The following ATXN7L1 variants were observed in gnomAD, a reference collection of about 807,000 sequenced individuals.
The protein encoded by ATXN7L1 is ataxin 7 like 1, also known as ataxin-7-like protein 1.
In ATXN7L1, 15 loss-of-function variants were observed where a neutral mutation model predicts 70.8. That is an observed-to-expected ratio of 0.21 (90% CI 0.14 to 0.33). The LOEUF (loss-of-function observed/expected upper bound fraction) is 0.33, where lower values mean the gene tolerates loss of function less well. ATXN7L1 is among the 10% of genes least tolerant of loss of function. The pLI is 1.00. For synonymous variants in ATXN7L1, 440 were observed against 445.1 expected, an observed-to-expected ratio of 0.99 and a Z score of 0.14; for missense variants, 975 against 1,097.1, an observed-to-expected ratio of 0.89 and a Z score of 1.57.
intron 2 of ATXN7L1, among the ~76,000 whole-genome samples, chr7:105,825,117 C>T (rs996210890): frequency 3.9e-5 from 6 of 152,052 alleles, no homozygotes; most frequent in Non-Finnish European, 8.8e-5. Context: ...TTTAAAATCC[C>T]GAGAGAAAAT....
At chr7:105,675,848 G>C (rs1489066818) in intron 3 of ATXN7L1, among the ~76,000 whole-genome samples, 1 of 151,200 alleles carries the variant, frequency 6.6e-6, no homozygotes, top group African/African-American at 2.4e-5. Flanking sequence ...CAAAAATATG[G>C]GTTAAAATGA....
At chr7:105,856,361 C>T (rs900633241) in intron 2 of ATXN7L1, among the ~76,000 whole-genome samples, 5 of 151,882 alleles carry the variant, frequency 3.3e-5, no homozygotes, top group African/African-American at 9.7e-5. Flanking sequence ...TGAGGCGGGT[C>T]GATCACCTGA....
At chr7:105,658,295 T>C (rs560819156) in intron 4 of ATXN7L1, among the ~76,000 whole-genome samples, 1 of 152,138 alleles carries the variant, frequency 6.6e-6, no homozygotes, top group East Asian at 1.9e-4. Context: ...GATTCTGTCC[T>C]GTCAAGTATA....
chr7:105,767,286 C>T (rs115121614), intron 3 of ATXN7L1, among the ~76,000 whole-genome samples: 129 of 152,204 alleles, frequency 8.5e-4, no homozygotes, highest in African/African-American at 3.0e-3. Flanking sequence ...GGAGGCCCAC[C>T]GGGAGTTTCA....
chr7:105,731,434 CTT>C (rs34234302), intron 3 of ATXN7L1, among the ~76,000 whole-genome samples: 32 of 134,246 alleles, frequency 2.4e-4, no homozygotes, highest in East Asian at 1.1e-3. Flanking sequence ...CTTCTTACTC[CTT>C]TTTTTTTTTT....
At chr7:105,793,327 G>C (rs1323756897) in intron 2 of ATXN7L1, among the ~76,000 whole-genome samples, 2 of 152,208 alleles carry the variant, frequency 1.3e-5, no homozygotes, top group East Asian at 3.8e-4. Context: ...GCTTCATGGG[G>C]TTGCTGTGAT....
At chr7:105,739,610 T>G (rs1324547422) in intron 3 of ATXN7L1, among the ~76,000 whole-genome samples, 1 of 152,236 alleles carries the variant, frequency 6.6e-6, no homozygotes, top group African/African-American at 2.4e-5. Flanking sequence ...CTGTCACTAA[T>G]GAGCTATGTG....
At chr7:105,776,459 T>C (rs1272021695) in intron 3 of ATXN7L1, among the ~76,000 whole-genome samples, 1 of 150,802 alleles carries the variant, frequency 6.6e-6, no homozygotes, top group Admixed American at 6.6e-5. Context: ...CTTCCAAGAT[T>C]CTTTTTTTTT....
chr7:105,832,403 T>A (rs1217032222), intron 2 of ATXN7L1, among the ~76,000 whole-genome samples: 1 of 152,184 alleles, frequency 6.6e-6, no homozygotes. Context: ...CTATTTCTAG[T>A]CTTTATTAAT....
intron 4 of ATXN7L1, among the ~76,000 whole-genome samples, chr7:105,652,935 GC>G (rs1236225980): frequency 1.3e-5 from 2 of 152,116 alleles, no homozygotes; most frequent in Non-Finnish European, 2.9e-5. Flanking sequence ...CACTCACTCT[GC>G]TTTTTCCTTT....
chr7:105,782,390 G>C (rs961499543), intron 3 of ATXN7L1, among the ~76,000 whole-genome samples: 1 of 152,178 alleles, frequency 6.6e-6, no homozygotes, highest in African/African-American at 2.4e-5. Context: ...TAGATCTCGT[G>C]GGGAGAAGTT....
At chr7:105,818,350 T>C (rs1809512487) in intron 2 of ATXN7L1, among the ~76,000 whole-genome samples, 2 of 152,118 alleles carry the variant, frequency 1.3e-5, no homozygotes, top group African/African-American at 2.4e-5. Flanking sequence ...TTTGTATTTT[T>C]TGTAGGGATG....
intron 7 of ATXN7L1, among the ~76,000 whole-genome samples, chr7:105,629,334 T>C (rs761241290): frequency 5.3e-5 from 8 of 152,056 alleles, no homozygotes; most frequent in Admixed American, 1.3e-4. Flanking sequence ...CTTTTTTAGA[T>C]TCCACCTGTA....
chr7:105,640,162 A>G (rs762918512), intron 5 of ATXN7L1, among the ~76,000 whole-genome samples: 3 of 152,154 alleles, frequency 2.0e-5, no homozygotes, highest in Non-Finnish European at 4.4e-5. Flanking sequence ...GCTGACCACA[A>G]ACACCATTTA....
In ATXN7L1 at chr7:105,663,323, C is replaced by T. The variant is rs111784917; in HGVS notation, c.578+1743G>A. The stretch of plus-strand genomic sequence containing the variant: ...CCAGCTGTGTGGCAGGTAACTCCTC[C>T]ACAGCCATGCCTACACCTTTCCACT... On this transcript the variant is annotated intron_variant, in intron 4 of 11. Coordinates refer to ENST00000419735, the MANE Select transcript of ATXN7L1 (RefSeq NM_020725.2). 8.3e-3 allele frequency among the ~76,000 whole-genome samples: 1,267 copies of T among 152,290 alleles called. 18 individuals carry two copies. The highest frequency in any genetic ancestry group is 0.029 in the African/African-American group (1,214 of 41,552).
At chr7:105,681,537 G>A (rs951935635) in intron 3 of ATXN7L1, among the ~76,000 whole-genome samples, 1 of 152,110 alleles carries the variant, frequency 6.6e-6, no homozygotes, top group African/African-American at 2.4e-5. Flanking sequence ...ATGATCACAC[G>A]ATCTAGCAAT....
chr7:105,741,245 G>T (rs932119776), intron 3 of ATXN7L1, among the ~76,000 whole-genome samples: 1 of 152,136 alleles, frequency 6.6e-6, no homozygotes, highest in African/African-American at 2.4e-5. Context: ...GGAGGGTCTT[G>T]TGTATCAGGC....
chr7:105,729,004 C>T (rs1796218653), intron 3 of ATXN7L1, among the ~76,000 whole-genome samples: 1 of 152,114 alleles, frequency 6.6e-6, no homozygotes, highest in African/African-American at 2.4e-5. Flanking sequence ...TAGCTCACAC[C>T]TGTAATCCCA....
intron 3 of ATXN7L1, among the ~76,000 whole-genome samples, chr7:105,728,638 G>A (rs1476966133): frequency 1.3e-5 from 2 of 152,136 alleles, no homozygotes; most frequent in Non-Finnish European, 2.9e-5. Flanking sequence ...GCTGCAATGA[G>A]CATAACTAGT....
Sources: allele counts gnomAD v4.1 joint callset (sites outside exome capture counted in the v4.1 genomes callset), GRCh38; gene constraint gnomAD v4.1.1; transcripts MANE v1.5; gene names NCBI Gene and HGNC (gene_info 2026-07-23, HGNC 2026-07-21).